Variants in MFSD6 observed in about 807,000 individuals in gnomAD.
MFSD6 encodes the protein major facilitator superfamily domain-containing protein 6.
A neutral mutation model predicts 56.3 loss-of-function variants in MFSD6; 26 were observed. That is an observed-to-expected ratio of 0.46 (90% CI 0.34 to 0.64). The LOEUF (loss-of-function observed/expected upper bound fraction) is 0.64. Among genes scored for constraint, MFSD6 ranks in the 30% least tolerant of loss-of-function variants. The pLI, the probability that MFSD6 is intolerant of heterozygous loss-of-function variation, is 0.01. For synonymous variants in MFSD6, 331 were observed against 366.9 expected (o/e 0.90, Z 1.12); for missense variants, 750 against 986.2 (o/e 0.76, Z 3.21).
rs1559127648 is a variant in MFSD6 at position 190,467,554 on chromosome 2, A to G, written c.1533-2204A>G. Among the ~76,000 whole-genome samples, 1 of 152,278 alleles carries G rather than the reference A, an allele frequency of 6.6e-6. No individual in the cohort carries two copies. The highest frequency in any genetic ancestry group is 1.9e-4 in the East Asian group (1 of 5,184). On this transcript the variant is annotated intron_variant, in intron 3 of 7. Transcript: ENST00000392328. The surrounding 1 kb of genome is among the most constrained non-coding windows in gnomAD (Gnocchi z 5.5). Reference sequence around the variant, plus strand: ...CTTGAACCTGGGAGGCGGAGGTTTCAGTGAGCCGAGATCGTGCCACTGCTC... The same window carrying G: ...CTTGAACCTGGGAGGCGGAGGTTTCGGTGAGCCGAGATCGTGCCACTGCTC...
At chr2:190,448,532 A>G (rs1322722270) in intron 3 of MFSD6, among the ~76,000 whole-genome samples, 2 of 152,244 alleles carry the variant, frequency 1.3e-5, no homozygotes, top group Non-Finnish European at 2.9e-5. Context: ...TGTCAACACT[A>G]TGATGTTGAC....
chr2:190,478,547 C>G (rs1158339195), intron 4 of MFSD6, among the ~76,000 whole-genome samples: 1 of 152,188 alleles, frequency 6.6e-6, no homozygotes, highest in African/African-American at 2.4e-5. Flanking sequence ...GTCCAAATGG[C>G]TTTAAAGTCC....
At chr2:190,473,256 T>C (rs1410643616) in intron 4 of MFSD6, among the ~76,000 whole-genome samples, 2 of 152,186 alleles carry the variant, frequency 1.3e-5, no homozygotes, top group African/African-American at 4.8e-5. Context: ...TAAATATAAA[T>C]GGGCTAAATG....
intron 4 of MFSD6, among the ~76,000 whole-genome samples, chr2:190,484,891 C>T (rs1688923689): frequency 6.6e-6 from 1 of 152,064 alleles, no homozygotes; most frequent in Non-Finnish European, 1.5e-5. Flanking sequence ...GAGTGGCTTT[C>T]ATTCTTCTGC....
Position 190,417,699 on chromosome 2 carries a change from A to G in MFSD6, c.-54+2286A>G, listed in dbSNP as rs1278868292. On this transcript the variant is annotated intron_variant, in intron 2 of 7. Coordinates refer to ENST00000392328, the MANE Select transcript of MFSD6 (RefSeq NM_017694.4). This position sits in a 1 kb window ranked among gnomAD's most constrained non-coding sequence, Gnocchi z 5.7. ...CTCATGTGCCCTTTAGTCTTGGGAT[A>G]AATCTTTTACGGATCCTCTGCTGCC... Among the ~76,000 whole-genome samples the G allele has an allele frequency of 6.6e-6, 1 of 152,068 alleles. No homozygotes were observed. Among genetic ancestry groups the G allele is most frequent in the Non-Finnish European group, 1.5e-5 (1 of 68,012 alleles).
chr2:190,497,903 T>C lies in MFSD6; in HGVS notation c.2172+184T>C. ...TAAAGAGGGTGTATACAAGGTCCCATAGAGAGAATATTCTGCCTTATGGAG... is the reference window on the plus strand; with the variant it reads ...TAAAGAGGGTGTATACAAGGTCCCACAGAGAGAATATTCTGCCTTATGGAG... On this transcript the variant is annotated intron_variant, in intron 7 of 7. Coordinates refer to ENST00000392328, the MANE Select transcript of MFSD6 (RefSeq NM_017694.4). The surrounding 1 kb of genome is among the most constrained non-coding windows in gnomAD (Gnocchi z 5.2). 3.2e-6 allele frequency: 2 copies of C among 633,180 alleles called. No individual in the cohort carries two copies. Among genetic ancestry groups the C allele is most frequent in the Admixed American group, 3.1e-5 (1 of 31,928 alleles). The allele number at this position is 633,180 out of a possible 1,614,324, so 39.2% of individuals were successfully genotyped here. A position where few individuals can be genotyped will look rare whatever the true frequency, so the allele number is the denominator to read the frequency against.
Position 190,487,613 on chromosome 2 carries a change from AAAG to A in MFSD6, c.1631-1039_1631-1037del, listed in dbSNP as rs143518570. Among the ~76,000 whole-genome samples the A allele has an allele frequency of 9.2e-5, 14 of 152,362 alleles. No individual in the cohort carries two copies. In the East Asian group the frequency reaches 2.5e-3, roughly 27 times the overall value. On this transcript the variant is annotated intron_variant, in intron 4 of 7. Coordinates refer to ENST00000392328, the MANE Select transcript of MFSD6 (RefSeq NM_017694.4). This position sits in a 1 kb window ranked among gnomAD's most constrained non-coding sequence, Gnocchi z 5.5. The stretch of plus-strand genomic sequence containing the variant: ...AAAGGAATTGAATAAACATTTCTTC[AAAG>A]AAGATATAGATGGCCAATAAACACC...
chr2:190,480,873 AAT>A (rs1688625073), intron 4 of MFSD6, among the ~76,000 whole-genome samples: 3 of 152,244 alleles, frequency 2.0e-5, no homozygotes, highest in African/African-American at 7.2e-5. Context: ...AAAAAAGTAA[AAT>A]AAATTATAAA....
At chr2:190,493,188 G>T (rs1689464519) in intron 6 of MFSD6, among the ~76,000 whole-genome samples, 1 of 152,060 alleles carries the variant, frequency 6.6e-6, no homozygotes, top group African/African-American at 2.4e-5. Flanking sequence ...GGTGGAAAAA[G>T]ACATTCCATG....
intron 4 of MFSD6, among the ~76,000 whole-genome samples, chr2:190,481,810 G>A (rs1239918960): frequency 1.3e-5 from 2 of 152,028 alleles, no homozygotes; most frequent in African/African-American, 2.4e-5. Flanking sequence ...ACTTTCTTTC[G>A]TGCAGCACAC....
intron 1 of MFSD6, chr2:190,411,287 G>A (rs938963349): frequency 9.3e-6 from 4 of 432,162 alleles, no homozygotes; most frequent in Admixed American, 6.4e-5. Context: ...AGCCTCCCGA[G>A]TAGCTGGGAT....
Position 190,500,284 on chromosome 2 carries a change from C to T in MFSD6, c.*66C>T. On this transcript the variant is annotated 3_prime_UTR_variant, in exon 8 of 8. Transcript: ENST00000392328. This position sits in a 1 kb window ranked among gnomAD's most constrained non-coding sequence, Gnocchi z 5.3. ...CCTCAGCCAGGACACAGGGTGAGGC[C>T]CCCCAGCCAGGATATGCCTCCCCTG... is the stretch of plus-strand genomic sequence containing the variant. 1.3e-6 allele frequency: 2 copies of T among 1,562,426 alleles called. No homozygotes were observed. Among genetic ancestry groups the T allele is most frequent in the Non-Finnish European group, 1.8e-6 (2 of 1,140,162 alleles).
chr2:190,492,065 G>A lies in MFSD6; in HGVS notation c.1891+2199G>A. 6.6e-6 allele frequency among the ~76,000 whole-genome samples: 1 copy of A among 152,152 alleles called. No homozygotes were observed. The highest frequency in any genetic ancestry group is 1.5e-5 in the Non-Finnish European group (1 of 68,018). ...CGAAGAAGCAGAAGAAAGAACTTCA[G>A]AGCTCAAAGACAAGGTTTTTGAATT... On this transcript the variant is annotated intron_variant, in intron 6 of 7. Coordinates refer to ENST00000392328, the MANE Select transcript of MFSD6 (RefSeq NM_017694.4). This position sits in a 1 kb window ranked among gnomAD's most constrained non-coding sequence, Gnocchi z 5.2.
intron 3 of MFSD6, among the ~76,000 whole-genome samples, chr2:190,440,606 T>C (rs747460423): frequency 6.6e-4 from 101 of 152,336 alleles, no homozygotes; most frequent in Non-Finnish European, 1.1e-3. Flanking sequence ...TGTAAATTTG[T>C]AAATCATTAC....
chr2:190,497,618 A>G lies in MFSD6; in HGVS notation c.2071A>G (p.Ser691Gly). 6.2e-7 allele frequency: 1 copy of G among 1,614,166 alleles called. No individual in the cohort carries two copies. The highest frequency in any genetic ancestry group is 8.5e-7 in the Non-Finnish European group (1 of 1,180,016). The change falls in exon 7 of 8, where the codon AGC (serine) becomes GGC (glycine). Residue 691 changes from serine to glycine, a missense_variant. Ser to Gly is a moderately conservative substitution (Grantham distance 56). Coordinates refer to ENST00000392328, the MANE Select transcript of MFSD6 (RefSeq NM_017694.4). This position sits in a 1 kb window ranked among gnomAD's most constrained non-coding sequence, Gnocchi z 5.2. Reference protein sequence around the residue: ...EDVNKPAWGVSSSPWVTFVYA... With the variant: ...EDVNKPAWGVGSSPWVTFVYA... ...TGTGAACAAACCAGCCTGGGGAGTCAGCTCTTCTCCCTGGGTGACCTTTGT... is the reference window on the plus strand; with the variant it reads ...TGTGAACAAACCAGCCTGGGGAGTCGGCTCTTCTCCCTGGGTGACCTTTGT...
rs187408350 is a variant in MFSD6 at position 190,431,234 on chromosome 2, C to T, written c.-53-4743C>T. Among the ~76,000 whole-genome samples, 30 of 150,672 alleles carry T rather than the reference C, an allele frequency of 2.0e-4. No individual in the cohort carries two copies. Among genetic ancestry groups the T allele is most frequent in the Admixed American group, 2.6e-4 (4 of 15,160 alleles). On this transcript the variant is annotated intron_variant, in intron 2 of 7. Transcript: ENST00000392328. This position sits in a 1 kb window ranked among gnomAD's most constrained non-coding sequence, Gnocchi z 4.4. ...TCACTTCCCAGACTGGGCAGCCAGG[C>T]AGAGGGGCTCCTCACCTCCCAGAGG...
rs772022225 is a variant in MFSD6, at chr2:190,437,478, G to T, written c.1449G>T (p.Gly483=). The part of the protein sequence containing the change: ...EDLNGTTTLF[G]VCSVLSHVSE... ...TCAATGGAACTACAACCCTCTTTGG[G>T]GTCTGTTCAGTCCTGAGTCATGTGT... Residue 483 remains glycine, a synonymous_variant, in exon 3 of 8, where the codon GGG becomes GGT. Coordinates refer to ENST00000392328, the MANE Select transcript of MFSD6 (RefSeq NM_017694.4). This position sits in a 1 kb window ranked among gnomAD's most constrained non-coding sequence, Gnocchi z 5.9. The T allele has an allele frequency of 2.7e-5, 43 of 1,614,000 alleles. No homozygotes were observed. The highest frequency in any genetic ancestry group is 1.6e-4 in the Middle Eastern group (1 of 6,084).
rs1372791226 is a variant in MFSD6, at chr2:190,490,823, GC to G, written c.1891+961del. Among the ~76,000 whole-genome samples the G allele has an allele frequency of 3.9e-5, 6 of 152,192 alleles. No homozygotes were observed. The highest frequency in any genetic ancestry group is 7.3e-5 in the Non-Finnish European group (5 of 68,040). ...ATCCTTTGCGGAGCATTAGCCTCAG[GC>G]CCCTGAAATGCTTCTGTGAAGAGAA... is the stretch of plus-strand genomic sequence containing the variant. On this transcript the variant is annotated intron_variant, in intron 6 of 7. Coordinates refer to ENST00000392328, the MANE Select transcript of MFSD6 (RefSeq NM_017694.4). The surrounding 1 kb of genome is among the most constrained non-coding windows in gnomAD (Gnocchi z 4.5).
rs1690602080 is a variant in MFSD6, at chr2:190,412,555, C to G, written c.-175-2737C>G. The G allele has an allele frequency of 2.0e-6, 2 of 985,344 alleles. No individual in the cohort carries two copies. The highest frequency in any genetic ancestry group is 1.1e-4 in the East Asian group (1 of 8,820). The allele number at this position is 985,344 out of a possible 1,614,324, so 61.0% of individuals were successfully genotyped here. On this transcript the variant is annotated intron_variant, in intron 1 of 7. Transcript: ENST00000392328. The surrounding 1 kb of genome is among the most constrained non-coding windows in gnomAD (Gnocchi z 4.1). The stretch of plus-strand genomic sequence containing the variant: ...TTCCTTGGGCATAGCATTTTTGATT[C>G]CTGGGAAAAGCAAACAAACACATCT...
Sources: allele counts gnomAD v4.1 joint callset (sites outside exome capture counted in the v4.1 genomes callset), GRCh38; gene constraint gnomAD v4.1.1; non-coding constraint Gnocchi (gnomAD v3.1); transcripts MANE v1.5; gene names NCBI Gene and HGNC (gene_info 2026-07-23, HGNC 2026-07-21).